Variants in LRRC37A2 observed in about 807,000 individuals in gnomAD.
The protein encoded by LRRC37A2 is leucine rich repeat containing 37 member A2.
In LRRC37A2, 9 loss-of-function variants were observed where a neutral mutation model predicts 68.8. The ratio of observed to expected loss-of-function variants is 0.13; its 90% CI spans 0.08 to 0.23. LRRC37A2 has a LOEUF of 0.23. Among genes scored for constraint, LRRC37A2 ranks in the 10% least tolerant of loss-of-function variants. The pLI is 1.00. For missense variants in LRRC37A2, 168 were observed against 950.4 expected (o/e 0.18, Z 10.82); for synonymous variants, 63 against 367.6 (o/e 0.17, Z 9.48).
the LRRC37A2 span, among the ~76,000 whole-genome samples, chr17:46,472,742 TA>T: frequency 2.3e-4 from 3 of 13,324 alleles, no homozygotes; most frequent in African/African-American, 8.6e-4. Flanking sequence ...CCATCTCTAC[TA>T]AAAAAAAAAT....
the LRRC37A2 span, among the ~76,000 whole-genome samples, chr17:46,492,689 G>GTTTTTTTTTTTT: frequency 2.4e-4 from 26 of 107,832 alleles, no homozygotes; most frequent in East Asian, 5.3e-4. Context: ...GTTTTGTTTT[G>GTTTTTTTTTTTT]TTTTTTTTTT....
the LRRC37A2 span, among the ~76,000 whole-genome samples, chr17:46,811,037 C>G: frequency 6.6e-6 from 1 of 152,100 alleles, no homozygotes; most frequent in South Asian, 2.1e-4. Context: ...TTGAGAAGGC[C>G]CGCCTCAGGG....
chr17:46,975,762 G>A, the LRRC37A2 span, among the ~76,000 whole-genome samples: 66 of 152,238 alleles, frequency 4.3e-4, no homozygotes, highest in African/African-American at 1.4e-3. Context: ...GTACACACGC[G>A]TCTTCACTAT....
the LRRC37A2 span, among the ~76,000 whole-genome samples, chr17:46,790,867 G>A: frequency 6.6e-6 from 1 of 152,186 alleles, no homozygotes; most frequent in African/African-American, 2.4e-5. Flanking sequence ...ACACGCTCAC[G>A]TACATCGGAA....
the LRRC37A2 span, among the ~76,000 whole-genome samples, chr17:46,775,101 C>T: frequency 6.6e-6 from 1 of 152,202 alleles, no homozygotes; most frequent in African/African-American, 2.4e-5. Flanking sequence ...CTTTTTAGTA[C>T]ACAAAAGCTT....
chr17:46,709,475 G>A, the LRRC37A2 span, among the ~76,000 whole-genome samples: 1 of 151,620 alleles, frequency 6.6e-6, no homozygotes, highest in Non-Finnish European at 1.5e-5. Flanking sequence ...AAAAATTAAA[G>A]ACAAAAGCCA....
the LRRC37A2 span, among the ~76,000 whole-genome samples, chr17:46,740,893 C>T: frequency 3.0e-3 from 451 of 152,076 alleles, 4 homozygotes; most frequent in African/African-American, 0.01. Context: ...AAATCCTGAC[C>T]GTTGGTGATC....
chr17:46,755,223 G>A, the LRRC37A2 span: 2 of 901,926 alleles, frequency 2.2e-6, no homozygotes, highest in Non-Finnish European at 3.7e-6. Context: ...CATTGATGAA[G>A]TGTGAAACCG....
chr17:46,923,898 T>G, the LRRC37A2 span: 1 of 395,980 alleles, frequency 2.5e-6, no homozygotes, highest in East Asian at 3.6e-5. Context: ...CTTACCCTAT[T>G]TTTGGGGGCG....
chr17:47,048,047 CTTTTTTT>C, the LRRC37A2 span, among the ~76,000 whole-genome samples: 1 of 136,424 alleles, frequency 7.3e-6, no homozygotes, highest in African/African-American at 2.7e-5. Flanking sequence ...TTTTTCAAAA[CTTTTTTT>C]TTTTTTTTTT....
chr17:46,842,615 C>A, the LRRC37A2 span, among the ~76,000 whole-genome samples: 2 of 152,192 alleles, frequency 1.3e-5, no homozygotes, highest in Non-Finnish European at 2.9e-5. Flanking sequence ...TCAAGTGATC[C>A]TCCCATCTCA....
At chr17:46,770,678 T>C in the LRRC37A2 span, among the ~76,000 whole-genome samples, 1 of 152,218 alleles carries the variant, frequency 6.6e-6, no homozygotes, top group Non-Finnish European at 1.5e-5. Flanking sequence ...CCCATTCTCC[T>C]GCCCTCACGC....
At chr17:46,621,354 T>A in the LRRC37A2 span, among the ~76,000 whole-genome samples, 2 of 137,798 alleles carry the variant, frequency 1.5e-5, no homozygotes, top group African/African-American at 5.5e-5. Flanking sequence ...TGACACGATC[T>A]CAGCTCACTG....
chr17:46,829,178 T>C, the LRRC37A2 span, among the ~76,000 whole-genome samples: 23 of 152,334 alleles, frequency 1.5e-4, no homozygotes, highest in South Asian at 4.8e-3. Flanking sequence ...ATTTCAATTT[T>C]TTTTTTTAGA....
the LRRC37A2 span, chr17:46,833,399 C>T: frequency 1.9e-6 from 1 of 518,232 alleles, no homozygotes; most frequent in African/African-American, 1.9e-5. Context: ...GCCTGAATGC[C>T]AGTCCTGGGA....
chr17:46,759,865 T>G, the LRRC37A2 span, among the ~76,000 whole-genome samples: 2 of 152,264 alleles, frequency 1.3e-5, no homozygotes, highest in African/African-American at 4.8e-5. Flanking sequence ...ATGTCGTCTC[T>G]TTCAGATTTT....
the LRRC37A2 span, among the ~76,000 whole-genome samples, chr17:46,784,746 A>G: frequency 4.8e-5 from 7 of 145,524 alleles, no homozygotes; most frequent in African/African-American, 7.6e-5. Context: ...CTGTGCCCCT[A>G]CCTCCTCTGC....
the LRRC37A2 span, among the ~76,000 whole-genome samples, chr17:46,835,900 G>A: frequency 6.6e-6 from 1 of 152,244 alleles, no homozygotes; most frequent in African/African-American, 2.4e-5. Flanking sequence ...GGAGACAGGA[G>A]ACCCGGCCCT....
At chr17:46,886,418 C>G in the LRRC37A2 span, 2 of 152,050 alleles carry the variant, frequency 1.3e-5, no homozygotes, top group Non-Finnish European at 2.9e-5. Context: ...TGTAATGGAC[C>G]CAACAGACCA....
Sources: gnomAD v4.1 joint callset for allele counts (sites outside exome capture counted in the v4.1 genomes callset) on GRCh38, gnomAD v4.1.1 for gene constraint, MANE v1.5 for transcripts, NCBI Gene and HGNC (gene_info 2026-07-23, HGNC 2026-07-21) for gene names.